The following VDAC1 variants were observed in gnomAD, a reference collection of about 807,000 sequenced individuals.
The protein encoded by VDAC1 is non-selective voltage-gated ion channel VDAC1.
VDAC1 carries 10 observed loss-of-function variants against 34.7 expected under a neutral mutation model. The ratio of observed to expected loss-of-function variants is 0.29; its 90% CI spans 0.18 to 0.49. VDAC1 has a LOEUF of 0.49. VDAC1 is among the 20% of genes least tolerant of loss of function. The probability of loss-of-function intolerance (pLI) is 0.99; values close to 1 mark genes in which losing one functional copy is unlikely to be tolerated. For synonymous variants in VDAC1, 130 were observed against 136.0 expected, an observed-to-expected ratio of 0.96 and a Z score of 0.30; for missense variants, 230 against 347.9, an observed-to-expected ratio of 0.66 and a Z score of 2.69.
the VDAC1 span, among the ~76,000 whole-genome samples, chr5:134,077,077 G>C: frequency 6.6e-6 from 1 of 152,168 alleles, no homozygotes; most frequent in East Asian, 1.9e-4. Context: ...CCAGGAGTTC[G>C]AGACCAGTCT....
At chr5:134,014,077 G>T in the VDAC1 span, among the ~76,000 whole-genome samples, 1 of 152,090 alleles carries the variant, frequency 6.6e-6, no homozygotes, top group Non-Finnish European at 1.5e-5. Flanking sequence ...ATCACCTGAG[G>T]TCAGGAGTTT....
chr5:134,014,053 G>A, the VDAC1 span, among the ~76,000 whole-genome samples: 1 of 152,104 alleles, frequency 6.6e-6, no homozygotes, highest in African/African-American at 2.4e-5. Flanking sequence ...ACTTTGGGGG[G>A]CCAAGGTGGG....
At position 133,981,565 on chromosome 5, in the gene VDAC1, G is replaced by A. The variant is rs1197710326; in HGVS notation, c.324-609C>T. Among the ~76,000 whole-genome samples the A allele has an allele frequency of 6.6e-5, 10 of 152,136 alleles. No individual in the cohort carries two copies. In the East Asian group the frequency reaches 1.9e-3, roughly 29 times the overall value. The stretch of plus-strand genomic sequence containing the variant: ...AACCTGGAACTCTGCAGTCATGGGG[G>A]CCAGGAAGTGTTAGTTAGCCAGACA... On this transcript the variant is annotated intron_variant, in intron 5 of 8. Transcript: ENST00000265333.
At chr5:133,975,277 C>A (rs556535481) in intron 7 of VDAC1, among the ~76,000 whole-genome samples, 6 of 151,948 alleles carry the variant, frequency 3.9e-5, no homozygotes, top group Admixed American at 2.0e-4. Flanking sequence ...ATAAAAAAAA[C>A]CCAGAGATGA....
At chr5:134,011,700 C>T in the VDAC1 span, among the ~76,000 whole-genome samples, 11 of 148,700 alleles carry the variant, frequency 7.4e-5, no homozygotes, top group African/African-American at 9.9e-5. Context: ...AGTGCAGTGG[C>T]GTGATCTCAG....
At chr5:134,053,023 G>A in the VDAC1 span, among the ~76,000 whole-genome samples, 1 of 152,206 alleles carries the variant, frequency 6.6e-6, no homozygotes, top group African/African-American at 2.4e-5. Context: ...GCTGAGGCAG[G>A]AGAATCCCTT....
chr5:134,014,601 C>T, the VDAC1 span, among the ~76,000 whole-genome samples: 1 of 152,176 alleles, frequency 6.6e-6, no homozygotes, highest in Admixed American at 6.5e-5. Context: ...AGTGCGGTGG[C>T]TCACACCTGT....
chr5:134,030,458 T>C, the VDAC1 span, among the ~76,000 whole-genome samples: 1 of 152,164 alleles, frequency 6.6e-6, no homozygotes, highest in African/African-American at 2.4e-5. Context: ...CTGCAAAATC[T>C]CCTAGTCATT....
chr5:133,980,698 C>A, intron 6 of VDAC1, 31 bp downstream of exon 6: 1 of 739,330 alleles, frequency 1.4e-6, no homozygotes, highest in African/African-American at 1.7e-5. Context: ...AACCCCACCC[C>A]TCCCACCCTG....
chr5:133,980,684 C>T (rs764848864), intron 6 of VDAC1, 45 bp downstream of exon 6: 4 of 710,732 alleles, frequency 5.6e-6, no homozygotes, highest in East Asian at 6.5e-5. Context: ...ACCACACATG[C>T]TCCAACCCCA....
At chr5:133,981,441 AT>A (rs1410120938) in intron 5 of VDAC1, among the ~76,000 whole-genome samples, 3 of 152,232 alleles carry the variant, frequency 2.0e-5, no homozygotes. Flanking sequence ...AACAAAGGCT[AT>A]GTTCCCTCTA....
At chr5:134,080,053 GC>G in the VDAC1 span, among the ~76,000 whole-genome samples, 1 of 152,236 alleles carries the variant, frequency 6.6e-6, no homozygotes, top group South Asian at 2.1e-4. Flanking sequence ...GGGACGTGAG[GC>G]CCGGCCAGTG....
the VDAC1 span, among the ~76,000 whole-genome samples, chr5:134,026,449 A>G: frequency 7.3e-6 from 1 of 136,404 alleles, no homozygotes; most frequent in Non-Finnish European, 1.5e-5. Context: ...CGGGAGGTGG[A>G]GCTTGCAGTG....
At chr5:133,980,465 ATT>A in intron 6 of VDAC1, among the ~76,000 whole-genome samples, 1 of 152,212 alleles carries the variant, frequency 6.6e-6, no homozygotes, top group East Asian at 1.9e-4. Flanking sequence ...CCCTGCTGTA[ATT>A]AATCAGCCAC....
At chr5:134,003,417 A>C (rs549177695) in intron 1 of VDAC1, among the ~76,000 whole-genome samples, 1 of 152,108 alleles carries the variant, frequency 6.6e-6, no homozygotes, top group African/African-American at 2.4e-5. Context: ...ACGGGCTCTA[A>C]ACCAGGGTCT....
the VDAC1 span, among the ~76,000 whole-genome samples, chr5:134,110,174 G>T: frequency 6.6e-6 from 1 of 152,192 alleles, no homozygotes; most frequent in African/African-American, 2.4e-5. Flanking sequence ...CTCATAATTT[G>T]CCCATCACCT....
intron 1 of VDAC1, among the ~76,000 whole-genome samples, chr5:133,997,861 C>T (rs1401186291): frequency 1.3e-5 from 2 of 151,604 alleles, no homozygotes; most frequent in South Asian, 2.1e-4. Flanking sequence ...GTCAGGAGTT[C>T]GAGACCACCC....
the VDAC1 span, among the ~76,000 whole-genome samples, chr5:134,078,647 C>CTTTTTTTTTTTTT: frequency 8.4e-6 from 1 of 118,458 alleles, no homozygotes; most frequent in East Asian, 2.8e-4. Flanking sequence ...CCTCAAGCAT[C>CTTTTTTTTTTTTT]TTTTTTTTTT....
chr5:134,001,713 T>C lies in VDAC1; in HGVS notation c.-7+3182A>G, dbSNP rs1238183319. On this transcript the variant is annotated intron_variant, in intron 1 of 8. Transcript: ENST00000265333. ...GCCTGGGCAACAGAGTGAGACTCCATCTAAAAAAAAAAAAAAAAAAAAGAG... is the reference window on the plus strand; with the variant it reads ...GCCTGGGCAACAGAGTGAGACTCCACCTAAAAAAAAAAAAAAAAAAAAGAG... 1.1e-3 allele frequency among the ~76,000 whole-genome samples: 68 copies of C among 60,762 alleles called. No individual in the cohort carries two copies. The East Asian group carries it at 0.033, about 30-fold the overall frequency. 39.9% of individuals were successfully genotyped at this position (60,762 alleles called of 152,430 possible).
Sources: allele counts gnomAD v4.1 joint callset (sites outside exome capture counted in the v4.1 genomes callset), GRCh38; gene constraint gnomAD v4.1.1; transcripts MANE v1.5; gene names NCBI Gene and HGNC (gene_info 2026-07-23, HGNC 2026-07-21).